KIAA1549L: variants seen among roughly 807,000 people sequenced by gnomAD.
KIAA1549L encodes the protein UPF0606 protein KIAA1549L.
In KIAA1549L, 88 loss-of-function variants were observed where a neutral mutation model predicts 160.7. The ratio of observed to expected loss-of-function variants is 0.55; its 90% confidence interval spans 0.46 to 0.65. The LOEUF is 0.65. Ranked by LOEUF, KIAA1549L falls within the 30% of genes least tolerant of loss-of-function variation. KIAA1549L has a pLI of 0.00. For synonymous variants in KIAA1549L, 950 were observed against 976.7 expected (o/e 0.97, Z 0.51); for missense variants, 2,258 against 2,437.5 (o/e 0.93, Z 1.55).
chr11:33,439,495 C>T (rs751417021), intron 1 of KIAA1549L, among the ~76,000 whole-genome samples: 6 of 151,806 alleles, frequency 4.0e-5, no homozygotes, highest in South Asian at 2.1e-4. Flanking sequence ...CTCCGCCTTC[C>T]GGGTTCATGC....
At chr11:33,646,489 C>T (rs1851727885) in intron 17 of KIAA1549L, among the ~76,000 whole-genome samples, 1 of 152,118 alleles carries the variant, frequency 6.6e-6, no homozygotes, top group Non-Finnish European at 1.5e-5. Context: ...TGAAAGTTGA[C>T]AGAATCAGAA....
At chr11:33,632,976 CGTT>C (rs145863072) in intron 16 of KIAA1549L, among the ~76,000 whole-genome samples, 3,019 of 150,740 alleles carry the variant, frequency 0.02, 116 homozygotes, top group African/African-American at 0.07. Context: ...TGTTTTTTGT[CGTT>C]GTTGTTTGTT....
At chr11:33,602,564 A>G (rs1850392672) in intron 13 of KIAA1549L, among the ~76,000 whole-genome samples, 1 of 152,240 alleles carries the variant, frequency 6.6e-6, no homozygotes, top group Non-Finnish European at 1.5e-5. Flanking sequence ...TCTCTGTCCA[A>G]CCTGATTTAC....
chr11:33,630,704 C>T lies in KIAA1549L; in HGVS notation c.5409+12042C>T, dbSNP rs568139364. Among the ~76,000 whole-genome samples, 21 of 152,142 alleles carry T rather than the reference C, an allele frequency of 1.4e-4. 1 individual carries two copies. The highest frequency in any genetic ancestry group is 4.6e-4 in the African/African-American group (19 of 41,448). On this transcript the variant is annotated intron_variant, in intron 16 of 20. Coordinates refer to ENST00000658780, the MANE Select transcript of KIAA1549L (RefSeq NM_012194.3). ...CTGGCACTCCCTAGTGAGATGAACC[C>T]GGTACCTCAGATAGAAATGCAGAAA...
intron 1 of KIAA1549L, among the ~76,000 whole-genome samples, chr11:33,461,778 G>A (rs1851947203): frequency 1.3e-5 from 2 of 152,202 alleles, no homozygotes; most frequent in South Asian, 4.1e-4. Flanking sequence ...CCTGGGAGGT[G>A]TATATCATTA....
rs1414249126 is a variant in KIAA1549L, at chr11:33,583,351, C to A, written c.4416C>A (p.Asn1472Lys). Residue 1472 changes from asparagine (N) to lysine (K), a missense_variant, in exon 11 of 21, where the codon AAC becomes AAA. Physicochemically the swap from Asn to Lys is moderately conservative, Grantham distance 94 (BLOSUM62 0). This residue lies in a region of KIAA1549L where 1,359 missense variants were observed against 1,546.6 expected (regional missense o/e 0.88). Transcript: ENST00000658780. Reference protein sequence around the residue: ...VLLQADPVVKNPPNNLWIIAA... With the variant: ...VLLQADPVVKKPPNNLWIIAA... ...TCTTTCCCACAGCCGTGGTGAAGAACCCGCCCAATAACCTGTGGATCATCG... is the reference window on the plus strand; with the variant it reads ...TCTTTCCCACAGCCGTGGTGAAGAAACCGCCCAATAACCTGTGGATCATCG... 1 of 1,605,268 alleles carries A rather than the reference C, an allele frequency of 6.2e-7. No individual in the cohort carries two copies. The highest frequency in any genetic ancestry group is 8.5e-7 in the Non-Finnish European group (1 of 1,176,026).
chr11:33,565,616 A>G (rs558583679), intron 8 of KIAA1549L, among the ~76,000 whole-genome samples: 116 of 152,070 alleles, frequency 7.6e-4, no homozygotes, highest in Non-Finnish European at 1.3e-3. Flanking sequence ...TCTCTTTGCA[A>G]AGAGTGGTGA....
chr11:33,504,981 G>A (rs149627587), intron 1 of KIAA1549L, among the ~76,000 whole-genome samples: 6 of 152,172 alleles, frequency 3.9e-5, no homozygotes, highest in African/African-American at 7.2e-5. Flanking sequence ...TGCCCAAGCT[G>A]GTCTCAAACT....
intron 1 of KIAA1549L, among the ~76,000 whole-genome samples, chr11:33,492,360 C>T (rs943284870): frequency 2.6e-5 from 4 of 152,118 alleles, no homozygotes; most frequent in Admixed American, 6.6e-5. Context: ...GAGCAAGACT[C>T]TGTCTCAAAA....
chr11:33,654,378 C>G (rs1293736118), intron 17 of KIAA1549L, among the ~76,000 whole-genome samples: 1 of 152,182 alleles, frequency 6.6e-6, no homozygotes, highest in Non-Finnish European at 1.5e-5. Flanking sequence ...TTTGTTTTTT[C>G]TACTCTTTTT....
intron 1 of KIAA1549L, among the ~76,000 whole-genome samples, chr11:33,466,681 C>T (rs977556798): frequency 6.6e-5 from 10 of 152,144 alleles, no homozygotes; most frequent in African/African-American, 1.4e-4. Context: ...ATGCTTATTG[C>T]GACACTGTTC....
intron 1 of KIAA1549L, among the ~76,000 whole-genome samples, chr11:33,477,506 C>T (rs902674075): frequency 6.2e-5 from 9 of 145,782 alleles, no homozygotes; most frequent in East Asian, 4.0e-4. Context: ...CGCAGGTGCA[C>T]GCACACACAC....
chr11:33,593,607 T>C (rs906063040), intron 12 of KIAA1549L, among the ~76,000 whole-genome samples: 2 of 152,130 alleles, frequency 1.3e-5, no homozygotes, highest in Non-Finnish European at 1.5e-5. Context: ...GGTTGGAGTT[T>C]AGAGGTGTTT....
intron 15 of KIAA1549L, among the ~76,000 whole-genome samples, chr11:33,613,175 G>A (rs1039588119): frequency 5.3e-5 from 8 of 152,164 alleles, no homozygotes; most frequent in Non-Finnish European, 8.8e-5. Flanking sequence ...TTAAGGAATT[G>A]CCATACTGCT....
At chr11:33,389,426 A>C (rs566634684) in intron 1 of KIAA1549L, among the ~76,000 whole-genome samples, 2 of 152,348 alleles carry the variant, frequency 1.3e-5, no homozygotes, top group South Asian at 2.1e-4. Flanking sequence ...TTGTCCGTTA[A>C]GAAGTCTTTG....
At position 33,606,751 on chromosome 11, in the gene KIAA1549L, C is replaced by A. The variant is rs2133322385; in HGVS notation, c.4990C>A (p.Pro1664Thr). The A allele has an allele frequency of 1.2e-6, 2 of 1,613,848 alleles. No homozygotes were observed. The highest frequency in any genetic ancestry group is 2.7e-5 in the African/African-American group (2 of 75,042). The change falls in exon 14 of 21, where the codon CCC (proline) becomes ACC (threonine). Residue 1664 changes from proline to threonine, a missense_variant. Physicochemically the swap from Pro to Thr is conservative, Grantham distance 38. This residue lies in a region of KIAA1549L where 1,359 missense variants were observed against 1,546.6 expected (regional missense o/e 0.88). Transcript: ENST00000658780. Reference protein sequence around the residue: ...SGSVQLIAIKPTALPMVPPTS... With the variant: ...SGSVQLIAIKTTALPMVPPTS... ...GTCTGTGCAGCTCATTGCCATAAAA[C>A]CCACAGCCCTCCCCATGGTGCCCCC...
At chr11:33,446,668 C>CT (rs938940295) in intron 1 of KIAA1549L, among the ~76,000 whole-genome samples, 26 of 147,476 alleles carry the variant, frequency 1.8e-4, no homozygotes, top group African/African-American at 2.2e-4. Context: ...CTAGAGGATA[C>CT]TTTTTTTTTT....
At chr11:33,580,571 C>CA (rs368467299) in intron 10 of KIAA1549L, among the ~76,000 whole-genome samples, 1,611 of 51,900 alleles carry the variant, frequency 0.031, 33 homozygotes, top group African/African-American at 0.054. Flanking sequence ...GATTCTGCCT[C>CA]AAAAAAAAAA....
rs78622845 is a variant in KIAA1549L, at chr11:33,500,206, C to T, written c.239-41596C>T. Among the ~76,000 whole-genome samples, 1,493 of 152,106 alleles carry T rather than the reference C, an allele frequency of 9.8e-3. 25 individuals carry two copies. The highest frequency in any genetic ancestry group is 0.034 in the African/African-American group (1,407 of 41,476). On this transcript the variant is annotated intron_variant, in intron 1 of 20. Transcript: ENST00000658780. Reference sequence around the variant, plus strand: ...TAGGAAATACTAGCTTGATTTTATACGTTAAAAAAGAGGCTTAGAGAGAGG... The same window carrying T: ...TAGGAAATACTAGCTTGATTTTATATGTTAAAAAAGAGGCTTAGAGAGAGG...
Sources: allele counts gnomAD v4.1 joint callset (sites outside exome capture counted in the v4.1 genomes callset), GRCh38; gene constraint gnomAD v4.1.1; regional missense constraint gnomAD v4.1.1; transcripts MANE v1.5; gene names NCBI Gene and HGNC (gene_info 2026-07-23, HGNC 2026-07-21).